Variants in LYST observed in about 807,000 individuals in gnomAD.
The protein encoded by LYST is lysosomal-trafficking regulator.
In LYST, 192 loss-of-function variants were observed where a neutral mutation model predicts 413.6. The observed-to-expected ratio is 0.46, with a 90% CI of 0.41 to 0.52. The LOEUF (loss-of-function observed/expected upper bound fraction) is 0.52, where lower values mean the gene tolerates loss of function less well. Ranked by LOEUF, LYST falls within the 20% of genes least tolerant of loss-of-function variation. LYST has a pLI of 0.00. For synonymous variants in LYST, 1,525 were observed against 1,567.3 expected (o/e 0.97, Z 0.64); for missense variants, 3,815 against 4,499.9 (o/e 0.85, Z 4.35).
intron 26 of LYST, 63 bp from the exon 27 acceptor site, chr1:235,752,234 A>C: frequency 8.3e-7 from 1 of 1,204,488 alleles, no homozygotes; most frequent in Non-Finnish European, 1.2e-6. Context: ...ATAATTTAAG[A>C]CACAGCTAAC....
chr1:235,782,726 T>G (rs562361923), intron 14 of LYST, among the ~76,000 whole-genome samples: 14 of 152,270 alleles, frequency 9.2e-5, no homozygotes, highest in African/African-American at 3.4e-4. Context: ...CCCCTTAATT[T>G]TGCCAAGAAG....
At chr1:235,844,749 G>T (rs546997816) in intron 1 of LYST, among the ~76,000 whole-genome samples, 5 of 151,838 alleles carry the variant, frequency 3.3e-5, no homozygotes, top group South Asian at 2.1e-4. Context: ...GGACACTGGT[G>T]GGGGGAAGGG....
At position 235,731,097 on chromosome 1, in the gene LYST, C is replaced by T. The variant is rs375783616; in HGVS notation, c.8882G>A (p.Arg2961His). The T allele has an allele frequency of 6.2e-7, 1 of 1,613,482 alleles. No individual in the cohort carries two copies. The highest frequency in any genetic ancestry group is 8.5e-7 in the Non-Finnish European group (1 of 1,179,468). Residue 2961 changes from arginine to histidine, a missense_variant, in exon 35 of 53, where the codon CGT (arginine) becomes CAT (histidine). Physicochemically the swap from Arg to His is conservative, Grantham distance 29. Around this residue, in one of 4 missense-constraint regions of LYST, gnomAD observed 866 missense variants for 1,156.0 expected, o/e 0.75. Coordinates refer to ENST00000389793, the MANE Select transcript of LYST (RefSeq NM_000081.4). ...AATAGTTAAATAACATCTCTGTAAACGTCTCCTCTCTCGATTTGGCCCTTC... is the reference window on the plus strand; with the variant it reads ...AATAGTTAAATAACATCTCTGTAAATGTCTCCTCTCTCGATTTGGCCCTTC... ...PTEGPNRERR[R>H]LQRCYLTIPN... is the part of the protein sequence containing the mutation.
chr1:235,808,511 C>T lies in LYST; in HGVS notation c.2307G>A (p.Leu769=), dbSNP rs982624581. The T allele has an allele frequency of 1.9e-6, 3 of 1,613,538 alleles. No individual in the cohort carries two copies. The highest frequency in any genetic ancestry group is 2.7e-5 in the African/African-American group (2 of 74,782). ...SHVCSHHNQC[L]PQDVLQIYVK... is the part of the protein sequence containing the mutation. ...CATAAATCTGAAGCACGTCCTGAGG[C>T]AAGCACTGGTTATGATGGCTACATA... Residue 769 remains leucine (L), a synonymous_variant, in exon 5 of 53, where the codon TTG becomes TTA. Coordinates refer to ENST00000389793, the MANE Select transcript of LYST (RefSeq NM_000081.4).
intron 31 of LYST, among the ~76,000 whole-genome samples, chr1:235,739,622 GAA>G (rs58295679): frequency 0.1 from 14,027 of 140,846 alleles, 1,852 homozygotes; most frequent in East Asian, 0.7. Flanking sequence ...AAAAAAAATA[GAA>G]AAAAAAAAAA....
At chr1:235,880,207 C>T (rs1032704218) in intron 1 of LYST, among the ~76,000 whole-genome samples, 2 of 152,130 alleles carry the variant, frequency 1.3e-5, no homozygotes, top group East Asian at 3.8e-4. Flanking sequence ...TTGTATTGAC[C>T]ACTTCCTCAA....
intron 3 of LYST, among the ~76,000 whole-genome samples, chr1:235,826,319 T>G (rs1198371206): frequency 6.6e-6 from 1 of 152,224 alleles, no homozygotes; most frequent in Non-Finnish European, 1.5e-5. Context: ...TCCAAGGACT[T>G]TTATAGGAAT....
rs1483995839 is a variant in LYST at position 235,791,794 on chromosome 1, C to T, written c.4448G>A (p.Cys1483Tyr). The change falls in exon 12 of 53, where the codon TGT (cysteine) becomes TAT (tyrosine). Residue 1483 changes from cysteine to tyrosine, a missense_variant. Cys to Tyr is a radical substitution (Grantham distance 194). Coordinates refer to ENST00000389793, the MANE Select transcript of LYST (RefSeq NM_000081.4). ...TGTAGTACTCTCAGCTTCATGGATA[C>T]ACTCCACATTAAACCACAGGGAAAC... ...FSVSLWFNVECIHEAESTTEK... is the reference protein window; with the variant it reads ...FSVSLWFNVEYIHEAESTTEK... The T allele has an allele frequency of 5.0e-6, 8 of 1,613,710 alleles. No homozygotes were observed. Among genetic ancestry groups the T allele is most frequent in the Non-Finnish European group, 6.8e-6 (8 of 1,179,752 alleles).
At chr1:235,738,018 C>A in intron 31 of LYST, 1 of 1,523,766 alleles carries the variant, frequency 6.6e-7, no homozygotes, top group Non-Finnish European at 8.8e-7. Flanking sequence ...GCTCAAGGAT[C>A]AGCTTATTCA....
intron 1 of LYST, among the ~76,000 whole-genome samples, chr1:235,855,363 GAAAC>G (rs1357057785): frequency 2.0e-5 from 3 of 152,054 alleles, no homozygotes; most frequent in Non-Finnish European, 4.4e-5. Flanking sequence ...AAGGCTCTGA[GAAAC>G]AGACACATTT....
At position 235,791,787 on chromosome 1, in the gene LYST, A is replaced by G. The variant is rs372271452; in HGVS notation, c.4455T>C (p.His1485=). The G allele has an allele frequency of 1.2e-5, 19 of 1,613,672 alleles. No individual in the cohort carries two copies. In the African/African-American group the frequency reaches 2.5e-4, roughly 22 times the overall value. ...CTTTTTCTGTAGTACTCTCAGCTTC[A>G]TGGATACACTCCACATTAAACCACA... ...VSLWFNVECI[H]EAESTTEKGK... Residue 1485 remains histidine (H), a synonymous_variant, in exon 12 of 53, where the codon CAT becomes CAC. Transcript: ENST00000389793.
chr1:235,811,168 A>C (rs1174906072), intron 4 of LYST, among the ~76,000 whole-genome samples: 3 of 152,162 alleles, frequency 2.0e-5, no homozygotes, highest in African/African-American at 7.2e-5. Context: ...CAAACAAAAG[A>C]GAACAGAGTT....
In LYST at chr1:235,741,462, T is replaced by G; in HGVS notation, c.8318A>C (p.His2773Pro). ...GAGACAGTCTCGTAGTATTTCCTGATGATTTGGTTCATGAACTATTTCAAA... is the reference window on the plus strand; with the variant it reads ...GAGACAGTCTCGTAGTATTTCCTGAGGATTTGGTTCATGAACTATTTCAAA... ...QIFEIVHEPN[H>P]QEILRDCLSP... Residue 2773 changes from histidine (H) to proline (P), a missense_variant, in exon 31 of 53, where the codon CAT (histidine) becomes CCT (proline). Coordinates refer to ENST00000389793, the MANE Select transcript of LYST (RefSeq NM_000081.4). 1 of 1,614,168 alleles carries G rather than the reference T, an allele frequency of 6.2e-7. No homozygotes were observed. The highest frequency in any genetic ancestry group is 8.5e-7 in the Non-Finnish European group (1 of 1,180,020).
At position 235,857,135 on chromosome 1, in the gene LYST, T is replaced by A. The variant is rs1254746033; in HGVS notation, c.-98+9708A>T. Among the ~76,000 whole-genome samples the A allele has an allele frequency of 2.0e-5, 3 of 151,960 alleles. No individual in the cohort carries two copies. The East Asian group carries it at 5.8e-4, about 29-fold the overall frequency. ...TAATTTTTTGTATTTTTAGTAGAGATGGGGTTTCACCATGTTGGCCAGGTT... is the reference window on the plus strand; with the variant it reads ...TAATTTTTTGTATTTTTAGTAGAGAAGGGGTTTCACCATGTTGGCCAGGTT... On this transcript the variant is annotated intron_variant, in intron 1 of 52. Coordinates refer to ENST00000389793, the MANE Select transcript of LYST (RefSeq NM_000081.4).
At chr1:235,665,561 G>C (rs577075129) in intron 50 of LYST, among the ~76,000 whole-genome samples, 1 of 138,290 alleles carries the variant, frequency 7.2e-6, no homozygotes, top group South Asian at 2.2e-4. Flanking sequence ...GCAGTGAGCC[G>C]AGATAGTGCC....
chr1:235,739,622 GAAA>G (rs58295679), intron 31 of LYST, among the ~76,000 whole-genome samples: 36,006 of 140,822 alleles, frequency 0.26, 4,676 homozygotes, highest in Middle Eastern at 0.39. Flanking sequence ...AAAAAAAATA[GAAA>G]AAAAAAAAAA....
Position 235,760,293 on chromosome 1 carries a change from T to C in LYST, c.6254-694A>G, listed in dbSNP as rs144856366. ...TTAAAGATTGAGATTATATTTGTGA[T>C]GCACCTAGCATAGAGCTCAACATAT... On this transcript the variant is annotated intron_variant, in intron 22 of 52. Transcript: ENST00000389793. Among the ~76,000 whole-genome samples the C allele has an allele frequency of 4.1e-4, 63 of 152,344 alleles. No individual in the cohort carries two copies. In the East Asian group the frequency reaches 0.011, roughly 27 times the overall value.
intron 10 of LYST, among the ~76,000 whole-genome samples, chr1:235,798,226 T>C (rs1243322064): frequency 1.3e-5 from 2 of 152,164 alleles, no homozygotes; most frequent in Non-Finnish European, 2.9e-5. Context: ...TATTATGTAG[T>C]ATTATCCTGG....
intron 5 of LYST, among the ~76,000 whole-genome samples, chr1:235,807,539 G>A (rs1200923075): frequency 1.3e-5 from 2 of 152,126 alleles, no homozygotes; most frequent in Non-Finnish European, 2.9e-5. Flanking sequence ...TTAAATGACT[G>A]TAAGGCATTG....
Sources: gnomAD v4.1 joint callset for allele counts (sites outside exome capture counted in the v4.1 genomes callset) on GRCh38, gnomAD v4.1.1 for gene constraint, gnomAD v4.1.1 regional missense constraint, MANE v1.5 for transcripts, NCBI Gene and HGNC (gene_info 2026-07-23, HGNC 2026-07-21) for gene names.